Variants in MYO1D observed in about 807,000 individuals in gnomAD.
MYO1D encodes the protein unconventional myosin-Id.
MYO1D carries 83 observed loss-of-function variants against 122.0 expected under a neutral mutation model. That is an observed-to-expected ratio of 0.68 (90% CI 0.57 to 0.82). The LOEUF (loss-of-function observed/expected upper bound fraction) is 0.82, where lower values mean the gene tolerates loss of function less well. Ranked by LOEUF, MYO1D falls within the 40% of genes least tolerant of loss-of-function variation. MYO1D has a pLI of 0.00. For synonymous variants in MYO1D, 464 were observed against 446.9 expected, an observed-to-expected ratio of 1.04 and a Z score of -0.48; for missense variants, 1,157 against 1,269.5, an observed-to-expected ratio of 0.91 and a Z score of 1.35.
At chr17:32,765,450 T>C (rs1171336311) in intron 7 of MYO1D, among the ~76,000 whole-genome samples, 3 of 152,040 alleles carry the variant, frequency 2.0e-5, no homozygotes, top group Admixed American at 1.3e-4. Context: ...CCTTAAACTT[T>C]TTATTTTATT....
intron 16 of MYO1D, among the ~76,000 whole-genome samples, chr17:32,671,871 T>C (rs1597992064): frequency 6.6e-6 from 1 of 152,360 alleles, no homozygotes; most frequent in East Asian, 1.9e-4. Flanking sequence ...ATAATATGGA[T>C]CCCGTCTTTA....
intron 14 of MYO1D, among the ~76,000 whole-genome samples, chr17:32,726,018 C>T (rs1037523221): frequency 1.3e-5 from 2 of 152,176 alleles, no homozygotes; most frequent in African/African-American, 4.8e-5. Context: ...AGAATGAAAA[C>T]AGTATAGAAA....
intron 20 of MYO1D, among the ~76,000 whole-genome samples, chr17:32,612,247 G>C (rs1254658514): frequency 6.6e-6 from 1 of 152,022 alleles, no homozygotes; most frequent in Non-Finnish European, 1.5e-5. Flanking sequence ...TTATGAATGA[G>C]AACAACATAC....
intron 13 of MYO1D, among the ~76,000 whole-genome samples, chr17:32,741,875 C>T (rs894541784): frequency 5.9e-5 from 9 of 151,754 alleles, no homozygotes; most frequent in Middle Eastern, 3.4e-3. Flanking sequence ...ATTAGCCGGG[C>T]GTGGTGGTGG....
intron 1 of MYO1D, among the ~76,000 whole-genome samples, chr17:32,836,363 T>C (rs28483635): frequency 3.3e-5 from 5 of 152,158 alleles, no homozygotes; most frequent in South Asian, 2.1e-4. Flanking sequence ...AGAGCACATA[T>C]AGGGCATAGT....
At chr17:32,527,094 TG>T (rs1910368264) in intron 21 of MYO1D, among the ~76,000 whole-genome samples, 1 of 152,140 alleles carries the variant, frequency 6.6e-6, no homozygotes, top group Admixed American at 6.5e-5. Flanking sequence ...AAGACCACAG[TG>T]GGGTCTTTCC....
chr17:32,604,114 T>C (rs1372040436), intron 21 of MYO1D, among the ~76,000 whole-genome samples: 1 of 151,774 alleles, frequency 6.6e-6, no homozygotes, highest in Non-Finnish European at 1.5e-5. Context: ...CCAAAATGAA[T>C]ACAATAGAAT....
intron 16 of MYO1D, among the ~76,000 whole-genome samples, chr17:32,672,355 A>G (rs1454897196): frequency 1.3e-5 from 2 of 152,222 alleles, no homozygotes; most frequent in South Asian, 2.1e-4. Context: ...CTATTATTTA[A>G]TTTTCCCTCT....
intron 21 of MYO1D, among the ~76,000 whole-genome samples, chr17:32,540,320 A>ACT (rs34351444): frequency 0.61 from 76,523 of 125,280 alleles, 25,020 homozygotes; most frequent in African/African-American, 0.79. Flanking sequence ...ACAGAGAGAG[A>ACT]CTATCTCAAA....
chr17:32,506,117 T>C (rs1399290832), intron 21 of MYO1D, among the ~76,000 whole-genome samples: 1 of 152,252 alleles, frequency 6.6e-6, no homozygotes, highest in Non-Finnish European at 1.5e-5. Flanking sequence ...AGCTGGCCTA[T>C]CTTGGCTGTC....
intron 21 of MYO1D, among the ~76,000 whole-genome samples, chr17:32,578,692 T>C (rs1283908296): frequency 2.0e-5 from 3 of 152,232 alleles, no homozygotes; most frequent in African/African-American, 7.2e-5. Context: ...CTTTCAAAGG[T>C]CACCAAATCA....
chr17:32,803,340 G>T (rs2090476770), intron 1 of MYO1D, among the ~76,000 whole-genome samples: 1 of 151,964 alleles, frequency 6.6e-6, no homozygotes, highest in Non-Finnish European at 1.5e-5. Context: ...TAGAGACAGG[G>T]TTTCACCGTG....
chr17:32,644,348 T>C (rs1242475081), intron 19 of MYO1D, among the ~76,000 whole-genome samples: 2 of 152,190 alleles, frequency 1.3e-5, no homozygotes, highest in African/African-American at 4.8e-5. Flanking sequence ...GTGGTCACTT[T>C]TGGAATAAGT....
intron 1 of MYO1D, among the ~76,000 whole-genome samples, chr17:32,816,416 G>A (rs2090614187): frequency 6.6e-6 from 1 of 152,052 alleles, no homozygotes; most frequent in Admixed American, 6.5e-5. Context: ...CTAGACCAAG[G>A]GAAAGGTTGG....
intron 21 of MYO1D, among the ~76,000 whole-genome samples, chr17:32,511,857 C>T (rs892619950): frequency 6.6e-6 from 1 of 152,140 alleles, no homozygotes; most frequent in Non-Finnish European, 1.5e-5. Flanking sequence ...ATTCAGCTCA[C>T]CATTATCAAG....
chr17:32,528,839 C>G (rs1910425789), intron 21 of MYO1D, among the ~76,000 whole-genome samples: 1 of 152,174 alleles, frequency 6.6e-6, no homozygotes, highest in African/African-American at 2.4e-5. Flanking sequence ...TCCCTGAGAG[C>G]CTCCAGAGGG....
intron 21 of MYO1D, among the ~76,000 whole-genome samples, chr17:32,537,061 A>T (rs1910685310): frequency 1.3e-5 from 2 of 152,236 alleles, no homozygotes; most frequent in Admixed American, 6.5e-5. Flanking sequence ...CTAAGAGTGC[A>T]ACTTCAGCAG....
chr17:32,714,068 ATTTTAT>A (rs1381873974), intron 15 of MYO1D, among the ~76,000 whole-genome samples: 2 of 145,512 alleles, frequency 1.4e-5, no homozygotes, highest in Non-Finnish European at 3.0e-5. Flanking sequence ...TTTAATAATT[ATTTTAT>A]TTTTAAGTTC....
In MYO1D at chr17:32,748,969, T is replaced by C; in HGVS notation, c.1505A>G (p.Asp502Gly). The C allele has an allele frequency of 6.2e-7, 1 of 1,613,890 alleles. No homozygotes were observed. The highest frequency in any genetic ancestry group is 8.5e-7 in the Non-Finnish European group (1 of 1,179,868). The stretch of plus-strand genomic sequence containing the variant: ...GCCTGCATAATGTCGAATTCGAAAA[T>C]CTCGATCAAACTCCAGAATTTTGTC... ...ASDKILEFDR[D>G]FRIRHYAGDV... Residue 502 changes from aspartate (D) to glycine (G), a missense_variant, in exon 12 of 22, where the codon GAT (aspartate) becomes GGT (glycine). Transcript: ENST00000318217.
Sources: allele counts gnomAD v4.1 joint callset (sites outside exome capture counted in the v4.1 genomes callset), GRCh38; gene constraint gnomAD v4.1.1; transcripts MANE v1.5; gene names NCBI Gene and HGNC (gene_info 2026-07-23, HGNC 2026-07-21).